The following CSMD1 variants were observed in gnomAD, a reference collection of about 807,000 sequenced individuals.
The protein encoded by CSMD1 is CUB and Sushi multiple domains 1.
Under a neutral mutation model 417.5 loss-of-function variants are expected in CSMD1, and 213 were observed. The observed-to-expected ratio is 0.51, with a 90% confidence interval of 0.46 to 0.57. CSMD1 has a LOEUF of 0.57. Among genes scored for constraint, CSMD1 ranks in the 20% least tolerant of loss-of-function variants. CSMD1 has a pLI of 0.00. For missense variants in CSMD1, 6,923 were observed against 4,529.7 expected (o/e 1.53, Z -15.17); for synonymous variants, 2,862 against 1,736.8 (o/e 1.65, Z -16.11).
intron 3 of CSMD1, among the ~76,000 whole-genome samples, chr8:4,367,568 T>A (rs1031584947): frequency 3.3e-4 from 50 of 152,172 alleles, no homozygotes; most frequent in African/African-American, 1.2e-3. Context: ...ATATAAATTT[T>A]AGAATGGTTT....
intron 2 of CSMD1, among the ~76,000 whole-genome samples, chr8:4,534,229 C>T (rs1187987705): frequency 6.6e-6 from 1 of 152,128 alleles, no homozygotes; most frequent in African/African-American, 2.4e-5. Flanking sequence ...AAAGAAATAC[C>T]TTCTGCGTGG....
intron 7 of CSMD1, among the ~76,000 whole-genome samples, chr8:3,622,876 G>A (rs781428733): frequency 6.6e-6 from 1 of 152,182 alleles, no homozygotes; most frequent in Non-Finnish European, 1.5e-5. Context: ...ACCACTTCAA[G>A]AGGAATCCTT....
intron 2 of CSMD1, among the ~76,000 whole-genome samples, chr8:4,522,031 C>G (rs1410744906): frequency 6.6e-6 from 1 of 152,248 alleles, no homozygotes; most frequent in African/African-American, 2.4e-5. Flanking sequence ...CCTCTGGAGT[C>G]ATTGATACGG....
chr8:4,159,828 G>A (rs1030997214), intron 3 of CSMD1, among the ~76,000 whole-genome samples: 2 of 152,088 alleles, frequency 1.3e-5, no homozygotes, highest in Non-Finnish European at 2.9e-5. Flanking sequence ...TCTAAGTGAA[G>A]TAACTCTGGA....
chr8:4,725,120 T>C lies in CSMD1; in HGVS notation c.86-87562A>G, dbSNP rs191267381. 2.0e-5 allele frequency among the ~76,000 whole-genome samples: 3 copies of C among 152,346 alleles called. No homozygotes were observed. In the East Asian group the frequency reaches 5.8e-4, roughly 29 times the overall value. On this transcript the variant is annotated intron_variant, in intron 1 of 69. Coordinates refer to ENST00000635120, the MANE Select transcript of CSMD1 (RefSeq NM_033225.6). ...CAAATTAAATGTATCCTGAAAGGTA[T>C]ATATGTTTTACACATTATAAAAGTG...
At chr8:3,733,927 C>T (rs1241124387) in intron 6 of CSMD1, among the ~76,000 whole-genome samples, 1 of 151,984 alleles carries the variant, frequency 6.6e-6, no homozygotes, top group East Asian at 1.9e-4. Context: ...TGGTGTTAGC[C>T]ACAGTTTCGG....
rs909700969 is a variant in CSMD1, at chr8:2,935,816, T to A, written c.*2769A>T. 6.6e-6 allele frequency: 1 copy of A among 152,214 alleles called. No homozygotes were observed. The highest frequency in any genetic ancestry group is 1.5e-5 in the Non-Finnish European group (1 of 68,050). 9.4% of individuals were successfully genotyped at this position (152,214 alleles called of 1,614,324 possible). A position where few individuals can be genotyped will look rare whatever the true frequency, so the allele number is the denominator to read the frequency against. On this transcript the variant is annotated 3_prime_UTR_variant, in exon 70 of 70. Coordinates refer to ENST00000635120, the MANE Select transcript of CSMD1 (RefSeq NM_033225.6). ...CCTTTTTATAATAGCTTTTTGTTGT[T>A]GTTTACAAAATATTTTACAGAAGAA...
In CSMD1 at chr8:2,954,230, T is replaced by C. The variant is rs1287699743; in HGVS notation, c.10033A>G (p.Thr3345Ala). 2.0e-6 allele frequency: 3 copies of C among 1,498,252 alleles called. No individual in the cohort carries two copies. Among genetic ancestry groups the C allele is most frequent in the Non-Finnish European group, 2.7e-6 (3 of 1,105,298 alleles). 92.8% of individuals were successfully genotyped at this position (1,498,252 alleles called of 1,614,324 possible). The change falls in exon 65 of 70, where the codon ACT (threonine) becomes GCT (alanine). Residue 3345 changes from threonine (T) to alanine (A), a missense_variant. Physicochemically the swap from Thr to Ala is moderately conservative, Grantham distance 58. Transcript: ENST00000635120. ...ACTGTTCTGGTATACAAACCTGGAG[T>C]TTTAGTAACTGTTTCATTAACTTCT... ...VREVNETVTK[T>A]PVPSDVFFVN...
chr8:4,435,789 A>T (rs1028297920), intron 2 of CSMD1, among the ~76,000 whole-genome samples: 3 of 152,206 alleles, frequency 2.0e-5, no homozygotes, highest in African/African-American at 4.8e-5. Flanking sequence ...TAAACAAGAC[A>T]ATAGAAGACA....
chr8:3,702,233 CA>C (rs1181385710), intron 7 of CSMD1: 2 of 152,176 alleles, frequency 1.3e-5, no homozygotes, highest in Non-Finnish European at 2.9e-5. Context: ...GTTGTAACTG[CA>C]AATGCTCCTC....
chr8:3,101,149 C>G (rs967418483), intron 46 of CSMD1, among the ~76,000 whole-genome samples: 24 of 151,562 alleles, frequency 1.6e-4, no homozygotes, highest in African/African-American at 5.8e-4. Flanking sequence ...CGTTGAAGAC[C>G]TTTAAAGTCA....
chr8:4,814,999 T>C (rs1354681009), intron 1 of CSMD1, among the ~76,000 whole-genome samples: 2 of 152,154 alleles, frequency 1.3e-5, no homozygotes, highest in Non-Finnish European at 2.9e-5. Context: ...TTCCGTTTTT[T>C]AAATTTATTA....
At chr8:3,437,204 T>C (rs1223709230) in intron 12 of CSMD1, among the ~76,000 whole-genome samples, 2 of 152,168 alleles carry the variant, frequency 1.3e-5, no homozygotes, top group African/African-American at 2.4e-5. Flanking sequence ...CTCATAAAAA[T>C]CCTGTCTGTT....
intron 1 of CSMD1, among the ~76,000 whole-genome samples, chr8:4,728,375 A>G (rs1462294917): frequency 6.6e-6 from 1 of 151,986 alleles, no homozygotes. Flanking sequence ...TACATGATAT[A>G]AGGGACGTAT....
intron 3 of CSMD1, among the ~76,000 whole-genome samples, chr8:4,292,965 G>C (rs535361291): frequency 1.5e-4 from 23 of 152,328 alleles, no homozygotes; most frequent in South Asian, 6.2e-4. Context: ...GCACTCCAGA[G>C]GCAAAAGACG....
At chr8:3,280,087 A>C (rs1802615109) in intron 26 of CSMD1, among the ~76,000 whole-genome samples, 1 of 152,098 alleles carries the variant, frequency 6.6e-6, no homozygotes, top group Admixed American at 6.5e-5. Context: ...ACCTGAAGAG[A>C]GAGGTACTAG....
At chr8:3,269,092 C>G (rs1044040321) in intron 26 of CSMD1, among the ~76,000 whole-genome samples, 3 of 152,190 alleles carry the variant, frequency 2.0e-5, no homozygotes, top group African/African-American at 7.2e-5. Flanking sequence ...CTGTCATCCC[C>G]CAGTATACAA....
At chr8:4,091,698 A>T (rs1800729523) in intron 3 of CSMD1, among the ~76,000 whole-genome samples, 1 of 152,204 alleles carries the variant, frequency 6.6e-6, no homozygotes, top group African/African-American at 2.4e-5. Flanking sequence ...AGACTTAGGA[A>T]AGCTGATAAA....
chr8:4,970,181 G>C (rs1341891698), intron 1 of CSMD1, among the ~76,000 whole-genome samples: 1 of 151,738 alleles, frequency 6.6e-6, no homozygotes, highest in African/African-American at 2.4e-5. Flanking sequence ...AGTGTAGAGG[G>C]AGAACTTGAC....
Sources: gnomAD v4.1 joint callset for allele counts (sites outside exome capture counted in the v4.1 genomes callset) on GRCh38, gnomAD v4.1.1 for gene constraint, MANE v1.5 for transcripts, NCBI Gene and HGNC (gene_info 2026-07-23, HGNC 2026-07-21) for gene names.